PXDNL: variants seen among roughly 807,000 people sequenced by gnomAD.
PXDNL encodes probable oxidoreductase PXDNL.
Under a neutral mutation model 150.8 loss-of-function variants are expected in PXDNL, and 145 were observed. That is an observed-to-expected ratio of 0.96 (90% confidence interval 0.84 to 1.10). PXDNL has a LOEUF of 1.10. Among genes scored for constraint, PXDNL ranks in the 50% least tolerant of loss-of-function variants. The pLI is 0.00. For missense variants in PXDNL, 2,087 were observed against 1,873.9 expected, an observed-to-expected ratio of 1.11 and a Z score of -2.10; for synonymous variants, 757 against 725.7, an observed-to-expected ratio of 1.04 and a Z score of -0.69.
At chr8:51,433,476 ATTAAG>A (rs1809310918) in intron 12 of PXDNL, among the ~76,000 whole-genome samples, 1 of 151,980 alleles carries the variant, frequency 6.6e-6, no homozygotes, top group Admixed American at 6.6e-5. Context: ...TTGTACAGAG[ATTAAG>A]TTTTTTGTCC....
intron 3 of PXDNL, among the ~76,000 whole-genome samples, chr8:51,585,261 T>A (rs1044264054): frequency 1.1e-4 from 16 of 152,080 alleles, no homozygotes; most frequent in Non-Finnish European, 2.9e-5. Context: ...TGTGTATGGA[T>A]TGGGAAACAT....
Position 51,597,651 on chromosome 8 carries a change from T to TTGTGTGTG in PXDNL, c.237-4961_237-4954dup, listed in dbSNP as rs71550272. ...CTTTGTTAGATATATCTCTAAGTAT[T>TTGTGTGTG]TGTGTGTGTGTGTGTGTGTGTTTAT... On this transcript the variant is annotated intron_variant, in intron 2 of 22. Transcript: ENST00000356297. 9.4e-4 allele frequency among the ~76,000 whole-genome samples: 141 copies of TTGTGTGTG among 149,912 alleles called. 1 individual carries two copies. The East Asian group carries it at 0.012, about 13-fold the overall frequency.
intron 14 of PXDNL, 140 bp from the exon 15 acceptor site, chr8:51,413,398 C>G: frequency 1.7e-6 from 1 of 600,476 alleles, no homozygotes; most frequent in Non-Finnish European, 2.9e-6. Flanking sequence ...TATACAATAT[C>G]TACATGATAA....
At chr8:51,609,681 A>C (rs1211503352) in intron 2 of PXDNL, among the ~76,000 whole-genome samples, 1 of 152,202 alleles carries the variant, frequency 6.6e-6, no homozygotes, top group Non-Finnish European at 1.5e-5. Context: ...CATGGGAAGA[A>C]ATGGGAAATC....
At position 51,705,629 on chromosome 8, in the gene PXDNL, T is replaced by TA. The variant is rs1271756682; in HGVS notation, c.165-50870dup. On this transcript the variant is annotated intron_variant, in intron 1 of 22. Coordinates refer to ENST00000356297, the MANE Select transcript of PXDNL (RefSeq NM_144651.5). Reference sequence around the variant, plus strand: ...GCGGTGAGATAATGTGTGTAAGAAATAATATTTTCTGGATTAGGAATTCCT... The same window carrying TA: ...GCGGTGAGATAATGTGTGTAAGAAATAAATATTTTCTGGATTAGGAATTCCT... 7.9e-5 allele frequency among the ~76,000 whole-genome samples: 12 copies of TA among 152,332 alleles called. No individual in the cohort carries two copies. The East Asian group carries it at 2.3e-3, about 29-fold the overall frequency.
intron 21 of PXDNL, among the ~76,000 whole-genome samples, chr8:51,324,337 A>T (rs1278029149): frequency 7.0e-6 from 1 of 142,014 alleles, no homozygotes; most frequent in Non-Finnish European, 1.5e-5. Context: ...GTGAGAATGG[A>T]CATCCTTGCC....
At chr8:51,694,570 A>T (rs1585679472) in intron 1 of PXDNL, among the ~76,000 whole-genome samples, 1 of 152,118 alleles carries the variant, frequency 6.6e-6, no homozygotes, top group East Asian at 1.9e-4. Flanking sequence ...GAACCACGTG[A>T]CTCCCAAACT....
In PXDNL at chr8:51,408,988, T is replaced by C; in HGVS notation, c.2636A>G (p.Asp879Gly). Residue 879 changes from aspartate (D) to glycine (G), a missense_variant, in exon 17 of 23, where the codon GAT becomes GGT. Physicochemically the swap from Asp to Gly is moderately conservative, Grantham distance 94. Transcript: ENST00000356297. The part of the protein sequence containing the change: ...CASGRPSATV[D>G]SVYAREQINQ... ...GATCTGCTCTCGTGCATAGACTGAA[T>C]CCACCGTCGCAGAGGGACGGCCGCT... 3.1e-6 allele frequency: 5 copies of C among 1,611,666 alleles called. No homozygotes were observed. The highest frequency in any genetic ancestry group is 4.2e-6 in the Non-Finnish European group (5 of 1,179,850).
intron 1 of PXDNL, among the ~76,000 whole-genome samples, chr8:51,795,905 G>A (rs56059202): frequency 0.051 from 7,699 of 152,194 alleles, 690 homozygotes; most frequent in African/African-American, 0.17. Flanking sequence ...TGGTCACCCC[G>A]ACCCTGGAGA....
At chr8:51,534,054 C>T (rs79442988) in intron 4 of PXDNL, among the ~76,000 whole-genome samples, 10,895 of 140,688 alleles carry the variant, frequency 0.077, 562 homozygotes, top group Middle Eastern at 0.11. Flanking sequence ...GCCTCTTCCC[C>T]GCCGCCATCC....
chr8:51,749,434 G>A lies in PXDNL; in HGVS notation c.164+59747C>T, dbSNP rs116931339. Among the ~76,000 whole-genome samples the A allele has an allele frequency of 6.1e-4, 93 of 152,310 alleles. No homozygotes were observed. In the East Asian group the frequency reaches 0.012, roughly 19 times the overall value. On this transcript the variant is annotated intron_variant, in intron 1 of 22. Coordinates refer to ENST00000356297, the MANE Select transcript of PXDNL (RefSeq NM_144651.5). ...CACCTGTGCAGTGTGTCACCACACT[G>A]AATACTGTAGGAAACTGAAACATAT...
At chr8:51,762,475 C>T (rs577398206) in intron 1 of PXDNL, among the ~76,000 whole-genome samples, 42 of 152,200 alleles carry the variant, frequency 2.8e-4, no homozygotes, top group Non-Finnish European at 4.4e-5. Context: ...AGTCTGCTAT[C>T]TGAGAGCTTC....
At chr8:51,524,703 T>C (rs1400901763) in intron 4 of PXDNL, among the ~76,000 whole-genome samples, 1 of 152,242 alleles carries the variant, frequency 6.6e-6, no homozygotes, top group Non-Finnish European at 1.5e-5. Flanking sequence ...AGGTATCTTT[T>C]GAACAGTTTG....
At chr8:51,515,688 G>C (rs1385155179) in intron 4 of PXDNL, among the ~76,000 whole-genome samples, 3 of 152,180 alleles carry the variant, frequency 2.0e-5, no homozygotes, top group African/African-American at 7.2e-5. Context: ...CTGATCTCTG[G>C]AAAGTAATCA....
rs757740947 is a variant in PXDNL, at chr8:51,423,737, G to T, written c.1639-6C>A. On this transcript the variant is annotated splice_region_variant and splice_polypyrimidine_tract_variant and intron_variant, in intron 13 of 22. Transcript: ENST00000356297. ...TCAGTAATCTGCACACCTTCCTAGG[G>T]AGCAAAAAAGAGTTGCCACTGAATG... The T allele has an allele frequency of 2.5e-6, 4 of 1,600,098 alleles. No homozygotes were observed. The South Asian group carries it at 4.5e-5, about 18-fold the overall frequency.
intron 3 of PXDNL, among the ~76,000 whole-genome samples, chr8:51,582,067 C>T (rs1459969383): frequency 6.6e-6 from 1 of 151,972 alleles, no homozygotes; most frequent in Non-Finnish European, 1.5e-5. Context: ...TTTAAGTTTC[C>T]TATGGAGCTA....
intron 20 of PXDNL, among the ~76,000 whole-genome samples, chr8:51,344,016 CCTT>C (rs1449790541): frequency 1.3e-5 from 2 of 152,172 alleles, no homozygotes; most frequent in African/African-American, 4.8e-5. Flanking sequence ...TTTGCCTCAA[CCTT>C]CTTTCAGAAT....
intron 1 of PXDNL, among the ~76,000 whole-genome samples, chr8:51,807,572 T>C (rs534144476): frequency 6.6e-6 from 1 of 152,264 alleles, no homozygotes; most frequent in South Asian, 2.1e-4. Context: ...AGTTAAGAAT[T>C]TGTCCAAGGC....
At chr8:51,679,281 G>T (rs187543013) in intron 1 of PXDNL, among the ~76,000 whole-genome samples, 2 of 152,292 alleles carry the variant, frequency 1.3e-5, no homozygotes, top group African/African-American at 4.8e-5. Flanking sequence ...CTGCTCAGAA[G>T]TCTAGGCCTC....
Sources: gnomAD v4.1 joint callset for allele counts (sites outside exome capture counted in the v4.1 genomes callset) on GRCh38, gnomAD v4.1.1 for gene constraint, MANE v1.5 for transcripts, NCBI Gene and HGNC (gene_info 2026-07-23, HGNC 2026-07-21) for gene names.